FOXN3: variants seen among roughly 807,000 people sequenced by gnomAD.
The protein encoded by FOXN3 is forkhead box protein N3.
FOXN3 carries 7 observed loss-of-function variants against 38.4 expected under a neutral mutation model. The observed-to-expected ratio is 0.18, with a 90% CI of 0.10 to 0.34. FOXN3 has a LOEUF of 0.34. FOXN3 is among the 10% of genes least tolerant of loss of function. The pLI is 1.00. For synonymous variants in FOXN3, 230 were observed against 242.2 expected (o/e 0.95, Z 0.47); for missense variants, 456 against 613.4 (o/e 0.74, Z 2.71).
intron 4 of FOXN3, among the ~76,000 whole-genome samples, chr14:89,217,469 T>C (rs1884321895): frequency 6.6e-6 from 1 of 152,186 alleles, no homozygotes; most frequent in African/African-American, 2.4e-5. Flanking sequence ...TCTTCACCTC[T>C]GCCACGCCTA....
chr14:89,442,253 T>C lies in FOXN3; in HGVS notation c.-14-29763A>G, dbSNP rs546626506. 2.0e-5 allele frequency among the ~76,000 whole-genome samples: 3 copies of C among 152,112 alleles called. No individual in the cohort carries two copies. The East Asian group carries it at 5.8e-4, about 29-fold the overall frequency. ...AACTGGCTGACCTTTCCAATGACAC[T>C]CAACATTCAAATCATCCAACCTTCC... is the stretch of plus-strand genomic sequence containing the variant. On this transcript the variant is annotated intron_variant, in intron 1 of 6. Transcript: ENST00000345097.
At position 89,500,461 on chromosome 14, in the gene FOXN3, T is replaced by C. The variant is rs137894618; in HGVS notation, c.-14-87971A>G. Among the ~76,000 whole-genome samples the C allele has an allele frequency of 1.3e-3, 194 of 152,294 alleles. 1 individual carries two copies. Among genetic ancestry groups the C allele is most frequent in the African/African-American group, 4.4e-3 (184 of 41,568 alleles). ...TGATAGAGACTGATGACATCAGCCT[T>C]ATTCAATAGGAGAGGTCAGGGACCT... On this transcript the variant is annotated intron_variant, in intron 1 of 6. Transcript: ENST00000345097.
At chr14:89,614,291 A>C (rs928222050) in intron 1 of FOXN3, among the ~76,000 whole-genome samples, 1 of 152,224 alleles carries the variant, frequency 6.6e-6, no homozygotes, top group Non-Finnish European at 1.5e-5. Flanking sequence ...ATTTCCAGCA[A>C]AATTATAACC....
intron 1 of FOXN3, among the ~76,000 whole-genome samples, chr14:89,467,319 G>A (rs548211285): frequency 6.6e-6 from 1 of 152,350 alleles, no homozygotes; most frequent in Admixed American, 6.5e-5. Context: ...TTGTGGGCAG[G>A]AAACATGGCT....
intron 4 of FOXN3, among the ~76,000 whole-genome samples, chr14:89,234,830 C>T (rs1167956429): frequency 6.6e-6 from 1 of 152,170 alleles, no homozygotes; most frequent in East Asian, 1.9e-4. Flanking sequence ...CCTGAACATG[C>T]TTATGTTTTC....
chr14:89,456,751 G>C (rs538324525), intron 1 of FOXN3, among the ~76,000 whole-genome samples: 1 of 152,288 alleles, frequency 6.6e-6, no homozygotes, highest in Non-Finnish European at 1.5e-5. Context: ...GTGAAACGCT[G>C]TCGCAAATAA....
intron 3 of FOXN3, among the ~76,000 whole-genome samples, chr14:89,300,240 T>G (rs1374453193): frequency 6.9e-6 from 1 of 144,276 alleles, no homozygotes; most frequent in Non-Finnish European, 1.5e-5. Context: ...TGGAGTGCAA[T>G]GGCATGATCT....
chr14:89,603,877 CA>C (rs531769651), intron 1 of FOXN3, among the ~76,000 whole-genome samples: 328 of 152,090 alleles, frequency 2.2e-3, no homozygotes, highest in Non-Finnish European at 3.5e-3. Flanking sequence ...AAAGGCCCAC[CA>C]AGATAGAGTG....
intron 1 of FOXN3, among the ~76,000 whole-genome samples, chr14:89,610,894 CA>C (rs2091850303): frequency 6.6e-6 from 1 of 152,204 alleles, no homozygotes; most frequent in African/African-American, 2.4e-5. Flanking sequence ...TAATTTCATA[CA>C]TGTGAAATAT....
chr14:89,300,782 T>TGTTTGTTTGTTC (rs1887195158), intron 3 of FOXN3, among the ~76,000 whole-genome samples: 2 of 152,102 alleles, frequency 1.3e-5, no homozygotes, highest in Non-Finnish European at 2.9e-5. Flanking sequence ...ATAGTGCAGA[T>TGTTTGTTTGTTC]GTTTGTTTGT....
chr14:89,289,003 G>A lies in FOXN3; in HGVS notation c.681-7989C>T, dbSNP rs1033110114. Among the ~76,000 whole-genome samples, 27 of 151,108 alleles carry A rather than the reference G, an allele frequency of 1.8e-4. 1 individual carries two copies. The highest frequency in any genetic ancestry group is 1.3e-4 in the Admixed American group (2 of 15,152). ...TCGAGACCAGCCTGACCAACATGGCGAAATCCTGTCTGTACTAAAAATACA... is the reference window on the plus strand; with the variant it reads ...TCGAGACCAGCCTGACCAACATGGCAAAATCCTGTCTGTACTAAAAATACA... On this transcript the variant is annotated intron_variant, in intron 3 of 5. Transcript: ENST00000557258.
intron 3 of FOXN3, among the ~76,000 whole-genome samples, chr14:89,331,650 C>T (rs919989929): frequency 2.0e-5 from 3 of 152,170 alleles, no homozygotes; most frequent in African/African-American, 7.2e-5. Flanking sequence ...CTGAATCAGA[C>T]CAGTCTTCTC....
intron 1 of FOXN3, among the ~76,000 whole-genome samples, chr14:89,560,950 T>C (rs1895235422): frequency 6.6e-6 from 1 of 152,208 alleles, no homozygotes; most frequent in Non-Finnish European, 1.5e-5. Context: ...CACTCATTCC[T>C]GGACCAATTG....
intron 1 of FOXN3, among the ~76,000 whole-genome samples, chr14:89,439,656 C>CCT (rs1892337199): frequency 8.0e-6 from 1 of 125,040 alleles, no homozygotes; most frequent in Non-Finnish European, 1.7e-5. Context: ...TTCTTTTATT[C>CCT]CTTTTTTTTT....
chr14:89,270,305 CTA>C (rs1886108921), intron 4 of FOXN3, among the ~76,000 whole-genome samples: 1 of 152,164 alleles, frequency 6.6e-6, no homozygotes, highest in African/African-American at 2.4e-5. Context: ...GGGGAAGGAT[CTA>C]TGTTACTATT....
chr14:89,364,230 C>T (rs1454570949), intron 2 of FOXN3, among the ~76,000 whole-genome samples: 4 of 143,920 alleles, frequency 2.8e-5, no homozygotes, highest in Non-Finnish European at 6.0e-5. Flanking sequence ...ATAACAAGAT[C>T]GACAATTACT....
chr14:89,497,152 C>T (rs759591431), intron 1 of FOXN3, among the ~76,000 whole-genome samples: 19 of 152,020 alleles, frequency 1.2e-4, no homozygotes, highest in Non-Finnish European at 2.1e-4. Context: ...GATGGGGTTT[C>T]GCCATGTCGG....
At chr14:89,230,293 C>T (rs1032859355) in intron 4 of FOXN3, among the ~76,000 whole-genome samples, 4 of 152,212 alleles carry the variant, frequency 2.6e-5, no homozygotes, top group East Asian at 3.8e-4. Context: ...ACTCAGAAAA[C>T]GTCTGCTGAA....
At chr14:89,499,249 G>A (rs1286314651) in intron 1 of FOXN3, among the ~76,000 whole-genome samples, 9 of 152,026 alleles carry the variant, frequency 5.9e-5, no homozygotes, top group Non-Finnish European at 1.5e-5. Context: ...CATCTAATAT[G>A]CCAGAGGCTG....
Sources: gnomAD v4.1 joint callset for allele counts (sites outside exome capture counted in the v4.1 genomes callset) on GRCh38, gnomAD v4.1.1 for gene constraint, MANE v1.5 for transcripts, NCBI Gene and HGNC (gene_info 2026-07-23, HGNC 2026-07-21) for gene names.